Variants in HPS4 observed in about 807,000 individuals in gnomAD.
The protein encoded by HPS4 is HPS4 biogenesis of lysosomal organelles complex 3 subunit 2, also known as BLOC-3 complex member HPS4.
HPS4 carries 44 observed loss-of-function variants against 70.3 expected under a neutral mutation model. The ratio of observed to expected loss-of-function variants is 0.63; its 90% CI spans 0.49 to 0.80. The LOEUF is 0.80. Among genes scored for constraint, HPS4 ranks in the 30% least tolerant of loss-of-function variants. The pLI is 0.00. For synonymous variants in HPS4, 377 were observed against 355.9 expected (o/e 1.06, Z -0.67); for missense variants, 873 against 884.4 (o/e 0.99, Z 0.16).
At chr22:26,469,561 T>C (rs894844063) in intron 7 of HPS4, among the ~76,000 whole-genome samples, 7 of 151,834 alleles carry the variant, frequency 4.6e-5, no homozygotes, top group Middle Eastern at 3.4e-3. Flanking sequence ...GTATTAGCCG[T>C]ATAATGTAAA....
Position 26,466,228 on chromosome 22 carries a change from T to A in HPS4, c.704A>T (p.His235Leu). ...CAACCATGCGCCTCACTACTTACCATGTTCCTGCGGGGCATCCTCTCCCGT... is the reference window on the plus strand; with the variant it reads ...CAACCATGCGCCTCACTACTTACCAAGTTCCTGCGGGGCATCCTCTCCCGT... ...LPTGEDAPQE[H>L]GAALPPNVQI... Residue 235 changes from histidine (H) to leucine (L), a missense_variant and splice_region_variant, in exon 9 of 14, where the codon CAT becomes CTT. By Grantham distance (99) the His-to-Leu change is moderately conservative. Transcript: ENST00000398145. 1 of 1,614,208 alleles carries A rather than the reference T, an allele frequency of 6.2e-7. No individual in the cohort carries two copies. The highest frequency in any genetic ancestry group is 8.5e-7 in the Non-Finnish European group (1 of 1,180,014).
chr22:26,454,028 G>C (rs1030247021), intron 13 of HPS4: 4 of 153,644 alleles, frequency 2.6e-5, no homozygotes, highest in African/African-American at 9.6e-5. Context: ...AGCCACCTGG[G>C]AGGAGCCAAC....
intron 13 of HPS4, among the ~76,000 whole-genome samples, 162 bp downstream of exon 13, chr22:26,457,697 G>A (rs1007281548): frequency 6.6e-6 from 1 of 152,244 alleles, no homozygotes; most frequent in African/African-American, 2.4e-5. Flanking sequence ...CTGCACAACA[G>A]TGGATGATGG....
Position 26,481,947 on chromosome 22 carries a change from T to C in HPS4, c.-185A>G, listed in dbSNP as rs188205202. 5.7e-4 allele frequency: 368 copies of C among 643,998 alleles called. No individual in the cohort carries two copies. The highest frequency in any genetic ancestry group is 4.7e-3 in the African/African-American group (259 of 55,390). The allele number at this position is 643,998 out of a possible 1,614,324, so 39.9% of individuals were successfully genotyped here. A position where few individuals can be genotyped will look rare whatever the true frequency, so the allele number is the denominator to read the frequency against. On this transcript the variant is annotated 5_prime_UTR_variant, in exon 2 of 14. Transcript: ENST00000398145. ...CTCAGCATGGAAAGTTCCACTTCCC[T>C]TCCTTGCAGGTTCTTCAGTTTCATG...
At position 26,453,360 on chromosome 22, in the gene HPS4, TC is replaced by T; in HGVS notation, c.1999del (p.Glu667ArgfsTer35). The T allele has an allele frequency of 6.2e-7, 1 of 1,614,154 alleles. No individual in the cohort carries two copies. Among genetic ancestry groups the T allele is most frequent in the Admixed American group, 1.7e-5 (1 of 60,018 alleles). On this transcript the variant is annotated frameshift_variant, in exon 14 of 14. Coordinates refer to ENST00000398145, the MANE Select transcript of HPS4 (RefSeq NM_022081.6). LOFTEE classifies it high-confidence loss of function. ...AVYACCNPIQ[E>X]TYFQQLAPAA... Reference sequence around the variant, plus strand: ...AGGTGCCAGCTGCTGGAAATATGTCTCCTGGATGGGGTTGCAACAGGCGTAC... The same window carrying T: ...AGGTGCCAGCTGCTGGAAATATGTCTCTGGATGGGGTTGCAACAGGCGTAC...
At chr22:26,463,322 A>T (rs1469449601) in intron 11 of HPS4, among the ~76,000 whole-genome samples, 1 of 152,182 alleles carries the variant, frequency 6.6e-6, no homozygotes, top group Non-Finnish European at 1.5e-5. Flanking sequence ...GGGGCTATGG[A>T]GGGAAACACT....
intron 3 of HPS4, 53 bp downstream of exon 3, chr22:26,479,212 C>T (rs1301762895): frequency 2.5e-6 from 4 of 1,586,046 alleles, no homozygotes; most frequent in Non-Finnish European, 2.6e-6. Context: ...TGAAAAGTCA[C>T]CACTTGGAGG....
intron 4 of HPS4, among the ~76,000 whole-genome samples, chr22:26,474,566 T>C (rs1452704935): frequency 6.6e-6 from 1 of 151,860 alleles, no homozygotes. Context: ...GCAATAACCA[T>C]AAAAAGATAA....
rs535989475 is a variant in HPS4, at chr22:26,458,358, C to A, written c.1846+87G>T. On this transcript the variant is annotated intron_variant, in intron 12 of 13. Transcript: ENST00000398145. ...CAGACAACTCTGTGCACAGCCGTGT[C>A]ATCATGATGCTGGGGCTCAAGTTCT... 26 of 1,524,354 alleles carry A rather than the reference C, an allele frequency of 1.7e-5. No individual in the cohort carries two copies. In the South Asian group the frequency reaches 2.6e-4, roughly 15 times the overall value. 94.4% of individuals were successfully genotyped at this position (1,524,354 alleles called of 1,614,324 possible). A position where few individuals can be genotyped will look rare whatever the true frequency, so the allele number is the denominator to read the frequency against.
intron 10 of HPS4, 92 bp downstream of exon 10, chr22:26,465,363 G>A (rs1448112044): frequency 9.3e-6 from 8 of 859,212 alleles, no homozygotes; most frequent in South Asian, 2.7e-5. Context: ...ATTAAGGAAC[G>A]ATGGGATGTA....
At position 26,471,148 on chromosome 22, in the gene HPS4, C is replaced by T. The variant is rs114101088; in HGVS notation, c.502-335G>A. The stretch of plus-strand genomic sequence containing the variant: ...CTACCCTGACAATGCTAAGACCTCA[C>T]GGCAGCAGAAGAGGAGGGTGTATCC... On this transcript the variant is annotated intron_variant, in intron 6 of 13. Coordinates refer to ENST00000398145, the MANE Select transcript of HPS4 (RefSeq NM_022081.6). 2.8e-3 allele frequency: 1,200 copies of T among 422,764 alleles called. 11 individuals are homozygous for T. Among genetic ancestry groups the T allele is most frequent in the African/African-American group, 0.023 (1,118 of 49,310 alleles). 26.2% of individuals were successfully genotyped at this position (422,764 alleles called of 1,614,324 possible). A position where few individuals can be genotyped will look rare whatever the true frequency, so the allele number is the denominator to read the frequency against.
At chr22:26,468,647 G>A in intron 7 of HPS4, 24 bp from the exon 8 acceptor site, 2 of 1,605,880 alleles carry the variant, frequency 1.2e-6, no homozygotes, top group Non-Finnish European at 1.7e-6. Flanking sequence ...CACAGAACAA[G>A]AACACCATGA....
In HPS4 at chr22:26,465,517, A is replaced by T. The variant is rs35126034; in HGVS notation, c.741T>A (p.Pro247=). The T allele has an allele frequency of 4.3e-4, 690 of 1,614,144 alleles. 6 individuals carry two copies. In the East Asian group the frequency reaches 0.015, roughly 35 times the overall value. Residue 247 remains proline (P), a synonymous_variant, in exon 10 of 14, where the codon CCT becomes CCA. Coordinates refer to ENST00000398145, the MANE Select transcript of HPS4 (RefSeq NM_022081.6). ...AALPPNVQII[P]VFVTKEEAIS... ...TGGCTTCCTCTTTGGTCACAAAAAC[A>T]GGGATAATCTGGACATTCGGGGGCA... is the stretch of plus-strand genomic sequence containing the variant.
chr22:26,466,224 A>G lies in HPS4; in HGVS notation c.706+2T>C, dbSNP rs2088581274. ...GAGGCAACCATGCGCCTCACTACTT[A>G]CCATGTTCCTGCGGGGCATCCTCTC... On this transcript the variant is annotated splice_donor_variant, in intron 9 of 13. Coordinates refer to ENST00000398145, the MANE Select transcript of HPS4 (RefSeq NM_022081.6). LOFTEE classifies it high-confidence loss of function. The G allele has an allele frequency of 1.2e-6, 2 of 1,614,036 alleles. No homozygotes were observed. The highest frequency in any genetic ancestry group is 1.7e-6 in the Non-Finnish European group (2 of 1,179,984).
chr22:26,445,952 G>T (rs557978042), downstream of HPS4, among the ~76,000 whole-genome samples: 2 of 152,134 alleles, frequency 1.3e-5, no homozygotes, highest in Admixed American at 6.5e-5. Context: ...CCGGGCTGCC[G>T]CATGTTTCCA....
In HPS4 at chr22:26,457,841, C is replaced by G. The variant is rs149340443; in HGVS notation, c.1955+18G>C. 2.6e-5 allele frequency: 41 copies of G among 1,590,038 alleles called. No individual in the cohort carries two copies. In the Admixed American group the frequency reaches 5.0e-4, roughly 19 times the overall value. On this transcript the variant is annotated intron_variant, in intron 13 of 13. Coordinates refer to ENST00000398145, the MANE Select transcript of HPS4 (RefSeq NM_022081.6). ...GGACCGTGGAGAGTAGGTTGGGGAG[C>G]GACTCAGGGAGGCTCACCTGACAGT...
At chr22:26,455,991 C>T (rs1016920721) in intron 13 of HPS4, among the ~76,000 whole-genome samples, 22 of 152,192 alleles carry the variant, frequency 1.4e-4, no homozygotes, top group African/African-American at 5.1e-4. Context: ...ATGCAAGTTG[C>T]CTCTGGGTTG....
chr22:26,472,327 G>A lies in HPS4; in HGVS notation c.476C>T (p.Ser159Phe), dbSNP rs765958976. ...NTSDLHKIFN[S>F]LWNLDQTKVE... ...TTTAGTTTGGTCCAAGTTCCAGAGGGAATTGAAAATCTTATGCAGATCACT... is the reference window on the plus strand; with the variant it reads ...TTTAGTTTGGTCCAAGTTCCAGAGGAAATTGAAAATCTTATGCAGATCACT... Residue 159 changes from serine to phenylalanine, a missense_variant, in exon 6 of 14, where the codon TCC (serine) becomes TTC (phenylalanine). Coordinates refer to ENST00000398145, the MANE Select transcript of HPS4 (RefSeq NM_022081.6). 1 of 1,610,668 alleles carries A rather than the reference G, an allele frequency of 6.2e-7. No individual in the cohort carries two copies. Among genetic ancestry groups the A allele is most frequent in the Admixed American group, 1.7e-5 (1 of 60,030 alleles).
intron 13 of HPS4, among the ~76,000 whole-genome samples, chr22:26,457,231 T>C: frequency 6.7e-6 from 1 of 150,078 alleles, no homozygotes; most frequent in South Asian, 2.1e-4. Context: ...TTTTTTTTTT[T>C]TCTGAGACGC....
Sources: gnomAD v4.1 joint callset for allele counts (sites outside exome capture counted in the v4.1 genomes callset) on GRCh38, gnomAD v4.1.1 for gene constraint, MANE v1.5 for transcripts, NCBI Gene and HGNC (gene_info 2026-07-23, HGNC 2026-07-21) for gene names.